Variants in IGF2R observed in about 807,000 individuals in gnomAD.
The protein encoded by IGF2R is cation-independent mannose-6-phosphate receptor.
A neutral mutation model predicts 270.6 loss-of-function variants in IGF2R; 91 were observed. That is an observed-to-expected ratio of 0.34 (90% CI 0.28 to 0.40). The LOEUF (loss-of-function observed/expected upper bound fraction) is 0.40. IGF2R is among the 10% of genes least tolerant of loss of function. IGF2R has a pLI of 1.00. For missense variants in IGF2R, 2,805 were observed against 3,188.3 expected (o/e 0.88, Z 2.90); for synonymous variants, 1,316 against 1,258.9 (o/e 1.05, Z -0.96).
chr6:160,104,345 CGCTGGGGG>C (rs1779564398), intron 47 of IGF2R, among the ~76,000 whole-genome samples: 1 of 151,992 alleles, frequency 6.6e-6, no homozygotes, highest in Admixed American at 6.6e-5. Context: ...CCCCCAGCTG[CGCTGGGGG>C]ATCACTGGTC....
intron 47 of IGF2R, among the ~76,000 whole-genome samples, 200 bp downstream of exon 47, chr6:160,104,015 G>A (rs1779554688): frequency 6.6e-6 from 1 of 151,836 alleles, no homozygotes; most frequent in African/African-American, 2.4e-5. Context: ...TTCTCTCGTG[G>A]TTACAACTGA....
At chr6:160,019,255 A>G (rs1019433851) in intron 4 of IGF2R, among the ~76,000 whole-genome samples, 3 of 152,212 alleles carry the variant, frequency 2.0e-5, no homozygotes, top group Non-Finnish European at 2.9e-5. Context: ...AGAAATTCCA[A>G]AAAGACCAAT....
rs1186612547 is a variant in IGF2R, at chr6:160,073,318, C to T, written c.4796C>T (p.Pro1599Leu). Residue 1599 changes from proline (P) to leucine (L), a missense_variant, in exon 34 of 48, where the codon CCC becomes CTC. Around this residue, in one of 2 missense-constraint regions of IGF2R, gnomAD observed 1,851 missense variants for 2,207.2 expected, o/e 0.84. Coordinates refer to ENST00000356956, the MANE Select transcript of IGF2R (RefSeq NM_000876.4). ...QLVYKDGSPC[P>L]SKSGLSYKSV... The stretch of plus-strand genomic sequence containing the variant: ...GTGTACAAGGATGGGTCCCCTTGTC[C>T]CTCCAAATCCGGCCTGAGCTATAAG... 3.7e-6 allele frequency: 6 copies of T among 1,614,248 alleles called. No individual in the cohort carries two copies. Among genetic ancestry groups the T allele is most frequent in the Non-Finnish European group, 5.1e-6 (6 of 1,180,054 alleles).
rs544287291 is a variant in IGF2R at position 160,010,095 on chromosome 6, C to T, written c.415-592C>T. On this transcript the variant is annotated intron_variant, in intron 3 of 47. Transcript: ENST00000356956. ...TTTCCTTTATGAATTCTGTGTTCAC[C>T]ATACCAGAAATAGAACTGTGAAGGA... Among the ~76,000 whole-genome samples, 92 of 152,244 alleles carry T rather than the reference C, an allele frequency of 6.0e-4. 1 individual carries two copies. The highest frequency in any genetic ancestry group is 1.1e-3 in the Non-Finnish European group (74 of 68,018).
At chr6:160,100,100 AC>A (rs1325743014) in intron 45 of IGF2R, among the ~76,000 whole-genome samples, 6 of 152,214 alleles carry the variant, frequency 3.9e-5, no homozygotes, top group Non-Finnish European at 5.9e-5. Flanking sequence ...GAAAAATAAA[AC>A]AAAAATCAGA....
chr6:160,071,799 A>G (rs903143935), intron 31 of IGF2R, 111 bp from the exon 32 acceptor site: 3 of 1,395,538 alleles, frequency 2.1e-6, no homozygotes, highest in Non-Finnish European at 3.0e-6. Context: ...GGAGACAGAA[A>G]TGTCACATGC....
intron 4 of IGF2R, among the ~76,000 whole-genome samples, chr6:160,024,230 G>T (rs936573362): frequency 6.6e-6 from 1 of 151,324 alleles, no homozygotes; most frequent in Non-Finnish European, 1.5e-5. Flanking sequence ...GCAGAGACAT[G>T]AGATGATAGC....
At chr6:159,994,216 C>T (rs1784019405) in intron 2 of IGF2R, among the ~76,000 whole-genome samples, 1 of 151,798 alleles carries the variant, frequency 6.6e-6, no homozygotes, top group African/African-American at 2.4e-5. Flanking sequence ...TATCCATTTC[C>T]TCTAGGTTTT....
intron 44 of IGF2R, 29 bp from the exon 45 acceptor site, chr6:160,096,410 A>G (rs372436555): frequency 3.1e-6 from 5 of 1,591,350 alleles, no homozygotes; most frequent in African/African-American, 2.7e-5. Flanking sequence ...TGATGGTGAC[A>G]TGCCATGTGT....
intron 2 of IGF2R, among the ~76,000 whole-genome samples, chr6:160,001,718 A>T (rs570032075): frequency 2.0e-5 from 3 of 152,352 alleles, no homozygotes; most frequent in East Asian, 3.9e-4. Context: ...AGAAGAAATT[A>T]AAAAAATCAT....
intron 21 of IGF2R, 87 bp downstream of exon 21, chr6:160,058,211 G>A (rs1778355450): frequency 4.7e-6 from 4 of 855,542 alleles, no homozygotes; most frequent in East Asian, 2.5e-5. Context: ...TGATATGAGA[G>A]AATTGCCCAG....
intron 8 of IGF2R, 46 bp from the exon 9 acceptor site, chr6:160,032,896 T>C (rs750449723): frequency 2.0e-6 from 3 of 1,473,790 alleles, no homozygotes; most frequent in Admixed American, 1.8e-5. Context: ...TTCTAATACC[T>C]ATTCATATAA....
In IGF2R at chr6:160,104,866, A is replaced by C. The variant is rs1387592414; in HGVS notation, c.7258A>C (p.Lys2420Gln). ...EDEVLTIPEV[K>Q]VHSGRGAGAE... is the part of the protein sequence containing the mutation. ...TGAGGTTCTGACCATCCCAGAGGTG[A>C]AAGTTCACTCGGGCAGGGGAGCTGG... Residue 2420 changes from lysine to glutamine, a missense_variant, in exon 48 of 48, where the codon AAA (lysine) becomes CAA (glutamine). Lys to Gln is a moderately conservative substitution (Grantham distance 53). This residue lies in a region of IGF2R where 1,851 missense variants were observed against 2,207.2 expected (regional missense o/e 0.84). Transcript: ENST00000356956. The C allele has an allele frequency of 1.2e-5, 19 of 1,614,062 alleles. No homozygotes were observed. Among genetic ancestry groups the C allele is most frequent in the Middle Eastern group, 1.6e-4 (1 of 6,084 alleles).
At chr6:160,035,015 G>A (rs968544907) in intron 10 of IGF2R, among the ~76,000 whole-genome samples, 1 of 152,198 alleles carries the variant, frequency 6.6e-6, no homozygotes, top group Non-Finnish European at 1.5e-5. Context: ...GCATTTCTCT[G>A]AGTAATGAGA....
intron 4 of IGF2R, among the ~76,000 whole-genome samples, chr6:160,018,360 A>G (rs2115215685): frequency 6.6e-6 from 1 of 152,330 alleles, no homozygotes; most frequent in East Asian, 1.9e-4. Flanking sequence ...TCATAAAACA[A>G]CTGCTGGTAG....
At chr6:160,013,918 A>G (rs1464809349) in intron 4 of IGF2R, among the ~76,000 whole-genome samples, 5 of 152,194 alleles carry the variant, frequency 3.3e-5, no homozygotes, top group Admixed American at 2.0e-4. Context: ...TTGAAGGTTT[A>G]TGTACTTATA....
At chr6:160,044,408 TTCTTTCTTTCTTTC>T (rs1778020553) in intron 12 of IGF2R, 92 bp from the exon 13 acceptor site, 6 of 1,063,622 alleles carry the variant, frequency 5.6e-6, no homozygotes, top group East Asian at 5.2e-5. Flanking sequence ...TTGGGCTGAT[TTCTTTCTTTCTTTC>T]TCTTTCTTTC....
rs777491491 is a variant in IGF2R at position 160,032,692 on chromosome 6, A to G, written c.1024A>G (p.Thr342Ala). 2.7e-5 allele frequency: 44 copies of G among 1,613,972 alleles called. No homozygotes were observed. The East Asian group carries it at 9.8e-4, about 36-fold the overall frequency. The change falls in exon 8 of 48, where the codon ACA becomes GCA. Residue 342 changes from threonine (T) to alanine (A), a missense_variant. Physicochemically the swap from Thr to Ala is moderately conservative, Grantham distance 58 (BLOSUM62 0). Transcript: ENST00000356956. ...GCAGCAGGATGTCTCCATAGACCTC[A>G]CACCACTTGCCCAGAGCGGAGGTAA... ...GEQQDVSIDL[T>A]PLAQSGGSSY...
chr6:159,969,811 C>T (rs914513838), intron 1 of IGF2R, among the ~76,000 whole-genome samples: 3 of 152,148 alleles, frequency 2.0e-5, no homozygotes, highest in Non-Finnish European at 4.4e-5. Context: ...AGCGGGGCAC[C>T]GGTGAGGCCC....
Sources: allele counts gnomAD v4.1 joint callset (sites outside exome capture counted in the v4.1 genomes callset), GRCh38; gene constraint gnomAD v4.1.1; regional missense constraint gnomAD v4.1.1; transcripts MANE v1.5; gene names NCBI Gene and HGNC (gene_info 2026-07-23, HGNC 2026-07-21).